CFAP161: variants seen among roughly 807,000 people sequenced by gnomAD.
The protein encoded by CFAP161 is cilia and flagella associated protein 161, also known as cilia- and flagella-associated protein 161.
In CFAP161, 25 loss-of-function variants were observed where a neutral mutation model predicts 29.0. The ratio of observed to expected loss-of-function variants is 0.86; its 90% CI spans 0.63 to 1.20. The LOEUF (loss-of-function observed/expected upper bound fraction) is 1.20. Among genes scored for constraint, CFAP161 ranks in the 50% most tolerant of loss-of-function variants. The pLI is 0.00. For missense variants in CFAP161, 367 were observed against 371.9 expected, an observed-to-expected ratio of 0.99 and a Z score of 0.11; for synonymous variants, 116 against 137.4, an observed-to-expected ratio of 0.84 and a Z score of 1.09.
intron 1 of CFAP161, among the ~76,000 whole-genome samples, chr15:81,105,092 C>CCCTCCCCCCCCCCCTCCCTCCCTCCCTT (rs1894345317): frequency 1.9e-5 from 1 of 53,432 alleles, no homozygotes; most frequent in Non-Finnish European, 3.6e-5. Context: ...CTTTTCTTTT[C>CCCTCCCCCCCCCCCTCCCTCCCTCCCTT]CCTCCCTCCC....
At chr15:81,133,912 CTGCTGCTGCTGCTGA>C (rs1014943123), upstream of CFAP161, among the ~76,000 whole-genome samples, 1 of 150,276 alleles carries the variant, frequency 6.7e-6, no homozygotes, top group Non-Finnish European at 1.5e-5. Flanking sequence ...GCTGCTGCTG[CTGCTGCTGCTGCTGA>C]TTACAAAAAA....
chr15:81,148,028 C>A, intron 6 of CFAP161, 97 bp downstream of exon 6: 1 of 986,846 alleles, frequency 1.0e-6, no homozygotes, highest in Non-Finnish European at 1.5e-6. Context: ...GCTGCACATA[C>A]AAAAAATGTC....
chr15:81,148,253 G>T (rs1444038039), intron 6 of CFAP161, 85 bp from the exon 7 acceptor site: 1 of 1,324,110 alleles, frequency 7.6e-7, no homozygotes, highest in Admixed American at 1.9e-5. Flanking sequence ...GCTTCTTAAG[G>T]TGCTTTCGAG....
At chr15:81,101,691 C>T (rs2141858123) in intron 1 of CFAP161, among the ~76,000 whole-genome samples, 1 of 152,152 alleles carries the variant, frequency 6.6e-6, no homozygotes, top group Non-Finnish European at 1.5e-5. Flanking sequence ...TGCATTAACA[C>T]TCAAAGAGCC....
chr15:81,125,080 A>C (rs894686175), intron 1 of CFAP161, among the ~76,000 whole-genome samples: 1 of 146,492 alleles, frequency 6.8e-6, no homozygotes, highest in Non-Finnish European at 1.5e-5. Flanking sequence ...TTCCAATTAC[A>C]GAAAAAGTTT....
At chr15:81,142,250 G>A (rs975570453) in intron 4 of CFAP161, among the ~76,000 whole-genome samples, 4 of 151,878 alleles carry the variant, frequency 2.6e-5, no homozygotes, top group African/African-American at 9.7e-5. Context: ...TAGACAGGGT[G>A]CTGCCAGGTT....
Position 81,138,096 on chromosome 15 carries a change from C to A in CFAP161, c.438C>A (p.Asp146Glu). ...ATGQVLRYGQDFCLGITGGFD... is the reference protein window; with the variant it reads ...ATGQVLRYGQEFCLGITGGFD... ...GTCAAGTCCTTAGATATGGGCAGGA[C>A]TTTTGCCTGGGGATAACAGGAGGAT... The change falls in exon 4 of 7, where the codon GAC becomes GAA. Residue 146 changes from aspartate to glutamate, a missense_variant. Physicochemically the swap from Asp to Glu is conservative, Grantham distance 45. Coordinates refer to ENST00000286732, the MANE Select transcript of CFAP161 (RefSeq NM_173528.4). 2 of 1,613,356 alleles carry A rather than the reference C, an allele frequency of 1.2e-6. No homozygotes were observed. Among genetic ancestry groups the A allele is most frequent in the Non-Finnish European group, 1.7e-6 (2 of 1,179,278 alleles).
At chr15:81,139,149 A>T (rs187067465) in intron 4 of CFAP161, among the ~76,000 whole-genome samples, 202 of 152,072 alleles carry the variant, frequency 1.3e-3, no homozygotes, top group Middle Eastern at 6.8e-3. Context: ...TAAAAATTTT[A>T]AAAAAATTGG....
intron 3 of CFAP161, among the ~76,000 whole-genome samples, chr15:81,137,319 G>T (rs927997575): frequency 5.3e-5 from 8 of 152,208 alleles, no homozygotes. Flanking sequence ...CCCAGGCAAG[G>T]TACAGTGGCT....
chr15:81,123,266 G>C (rs895233359), intron 1 of CFAP161, among the ~76,000 whole-genome samples: 3 of 152,214 alleles, frequency 2.0e-5, no homozygotes, highest in Non-Finnish European at 2.9e-5. Flanking sequence ...TGGCTAGCTA[G>C]TTAGTTATCC....
At chr15:81,114,172 G>A (rs992729881) in intron 1 of CFAP161, among the ~76,000 whole-genome samples, 1 of 152,142 alleles carries the variant, frequency 6.6e-6, no homozygotes, top group African/African-American at 2.4e-5. Flanking sequence ...GATAACGTGG[G>A]TTTGTTTCCA....
At chr15:81,101,577 C>T (rs972406502) in intron 1 of CFAP161, among the ~76,000 whole-genome samples, 6 of 134,378 alleles carry the variant, frequency 4.5e-5, no homozygotes, top group Admixed American at 1.5e-4. Context: ...TGGGGTGATT[C>T]GTGAGTGATC....
chr15:81,114,603 A>AAT (rs1894473932), intron 1 of CFAP161, among the ~76,000 whole-genome samples: 2 of 152,342 alleles, frequency 1.3e-5, no homozygotes, highest in East Asian at 3.9e-4. Flanking sequence ...TCGCAATGGG[A>AAT]ATATGCATGT....
At chr15:81,103,276 A>C (rs1894324194) in intron 1 of CFAP161, among the ~76,000 whole-genome samples, 1 of 152,232 alleles carries the variant, frequency 6.6e-6, no homozygotes, top group Non-Finnish European at 1.5e-5. Context: ...CCCATAACAC[A>C]AGTTACAGGC....
At chr15:81,147,959 G>T in intron 6 of CFAP161, 28 bp downstream of exon 6, 1 of 1,554,120 alleles carries the variant, frequency 6.4e-7, no homozygotes. Flanking sequence ...ACAACAAAAT[G>T]CTGTGATTGG....
intron 4 of CFAP161, among the ~76,000 whole-genome samples, chr15:81,142,596 A>C (rs1894929983): frequency 6.6e-6 from 1 of 152,172 alleles, no homozygotes; most frequent in African/African-American, 2.4e-5. Context: ...AGAAAGCTGC[A>C]TGCAGGTGCT....
chr15:81,119,362 T>A (rs1048892126), intron 1 of CFAP161, among the ~76,000 whole-genome samples: 2 of 152,176 alleles, frequency 1.3e-5, no homozygotes, highest in African/African-American at 4.8e-5. Context: ...TAAATTTTTA[T>A]AATCTTTTAT....
intron 1 of CFAP161, among the ~76,000 whole-genome samples, chr15:81,126,616 C>T (rs373480784): frequency 5.9e-5 from 9 of 152,232 alleles, no homozygotes; most frequent in African/African-American, 2.2e-4. Context: ...TACGTTATTG[C>T]TCTGAGCTCA....
intron 2 of CFAP161, among the ~76,000 whole-genome samples, chr15:81,128,984 A>G (rs1958103524): frequency 6.6e-6 from 1 of 152,122 alleles, no homozygotes; most frequent in African/African-American, 2.4e-5. Flanking sequence ...TTTCTTAAAT[A>G]ATAAGACTTG....
Sources: allele counts gnomAD v4.1 joint callset (sites outside exome capture counted in the v4.1 genomes callset), GRCh38; gene constraint gnomAD v4.1.1; transcripts MANE v1.5; gene names NCBI Gene and HGNC (gene_info 2026-07-23, HGNC 2026-07-21).